Variants in SLC8A3 observed in about 807,000 individuals in gnomAD.
The protein encoded by SLC8A3 is sodium/calcium exchanger 3.
SLC8A3 carries 37 observed loss-of-function variants against 65.4 expected under a neutral mutation model. The ratio of observed to expected loss-of-function variants is 0.57; its 90% CI spans 0.44 to 0.74. SLC8A3 has a LOEUF of 0.74. SLC8A3 is among the 30% of genes least tolerant of loss of function. The pLI is 0.00. For synonymous variants in SLC8A3, 461 were observed against 444.5 expected (o/e 1.04, Z -0.47); for missense variants, 1,112 against 1,172.1 (o/e 0.95, Z 0.75).
At chr14:70,105,347 TAAAATAAAAC>T (rs1368362806) in intron 2 of SLC8A3, among the ~76,000 whole-genome samples, 3 of 151,690 alleles carry the variant, frequency 2.0e-5, no homozygotes, top group Non-Finnish European at 4.4e-5. Context: ...AAAAATAAAA[TAAAATAAAAC>T]AAAATAAAAT....
intron 2 of SLC8A3, among the ~76,000 whole-genome samples, chr14:70,103,943 T>A (rs1892693333): frequency 6.6e-6 from 1 of 152,038 alleles, no homozygotes; most frequent in South Asian, 2.1e-4. Context: ...TGGAAAAATA[T>A]AAACTATGCA....
In SLC8A3 at chr14:70,185,258, C is replaced by T. The variant is rs1419683455; in HGVS notation, c.-63+3121G>A. On this transcript the variant is annotated intron_variant, in intron 1 of 6. Coordinates refer to ENST00000356921, the MANE Select transcript of SLC8A3 (RefSeq NM_182932.3). ...CTGGGATTACAGGCGTGAGCCACCA[C>T]GCCCATCCTATTCCTTTCTTTTTAT... Among the ~76,000 whole-genome samples, 10 of 152,320 alleles carry T rather than the reference C, an allele frequency of 6.6e-5. No individual in the cohort carries two copies. The East Asian group carries it at 1.4e-3, about 21-fold the overall frequency.
rs921474559 is a variant in SLC8A3, at chr14:70,045,916, G to A, written c.*31C>T. The A allele has an allele frequency of 8.4e-6, 13 of 1,542,144 alleles. No homozygotes were observed. Among genetic ancestry groups the A allele is most frequent in the Middle Eastern group, 2.3e-4 (1 of 4,276 alleles). ...GCCCTTCTCTTAGGAGAAGTCCTAG[G>A]CCTGCCCTGCTGGAGGCTCTGTTGT... On this transcript the variant is annotated 3_prime_UTR_variant, in exon 7 of 7. Transcript: ENST00000356921.
At chr14:70,088,143 G>A (rs993357966) in intron 2 of SLC8A3, among the ~76,000 whole-genome samples, 2 of 152,224 alleles carry the variant, frequency 1.3e-5, no homozygotes, top group African/African-American at 4.8e-5. Flanking sequence ...CTGAGGCACT[G>A]AAACAAGAAA....
intron 2 of SLC8A3, among the ~76,000 whole-genome samples, chr14:70,067,783 A>G (rs566208062): frequency 3.7e-4 from 57 of 152,318 alleles, no homozygotes; most frequent in Non-Finnish European, 6.5e-4. Flanking sequence ...AGCTCTCTCC[A>G]ACAGCAACCC....
intron 2 of SLC8A3, among the ~76,000 whole-genome samples, chr14:70,073,642 T>C (rs924106142): frequency 2.6e-5 from 4 of 152,326 alleles, no homozygotes; most frequent in African/African-American, 9.6e-5. Flanking sequence ...GCTGGTTATC[T>C]GATTCATGGC....
At chr14:70,188,288 C>T (rs1308443867) in intron 1 of SLC8A3, 91 bp downstream of exon 1, 1 of 152,406 alleles carries the variant, frequency 6.6e-6, no homozygotes, top group Admixed American at 6.5e-5. Context: ...CAGGGATCCT[C>T]TTAGGGGCAT....
At chr14:70,126,052 T>C (rs762226900) in intron 2 of SLC8A3, among the ~76,000 whole-genome samples, 6 of 152,238 alleles carry the variant, frequency 3.9e-5, no homozygotes, top group Admixed American at 1.3e-4. Flanking sequence ...AATATTCTTT[T>C]GTTTTTCCTA....
At chr14:70,089,812 A>G (rs1891693578) in intron 2 of SLC8A3, among the ~76,000 whole-genome samples, 6 of 151,944 alleles carry the variant, frequency 3.9e-5, no homozygotes, top group Admixed American at 3.9e-4. Context: ...CCAAAAGATA[A>G]TTTCTTTGAT....
At chr14:70,072,421 T>C (rs958966158) in intron 2 of SLC8A3, among the ~76,000 whole-genome samples, 1 of 141,082 alleles carries the variant, frequency 7.1e-6, no homozygotes, top group Admixed American at 6.9e-5. Flanking sequence ...ATTATTCTTT[T>C]AAAGTAGATG....
Position 70,136,490 on chromosome 14 carries a change from C to T in SLC8A3, c.1784+30149G>A, listed in dbSNP as rs544090892. 3.3e-5 allele frequency among the ~76,000 whole-genome samples: 5 copies of T among 152,312 alleles called. No homozygotes were observed. In the South Asian group the frequency reaches 1.0e-3, roughly 32 times the overall value. On this transcript the variant is annotated intron_variant, in intron 2 of 6. Coordinates refer to ENST00000356921, the MANE Select transcript of SLC8A3 (RefSeq NM_182932.3). ...CCATCTTACTCCCTCTCCAGCTGCA[C>T]CCGCTTTTTGGCATGTTCTAGAACA...
rs139974573 is a variant in SLC8A3, at chr14:70,167,286, C to T, written c.1137G>A (p.Lys379=). ...LKKHAAEQAK[K]ASSMSEVHTD... is the part of the protein sequence containing the mutation. ...TGTGCACCTCGCTCATGCTGGAGGC[C>T]TTCTTGGCTTGTTCTGCTGCATGTT... is the stretch of plus-strand genomic sequence containing the variant. The change falls in exon 2 of 7, where the codon AAG becomes AAA. Residue 379 remains lysine (K), a synonymous_variant. Transcript: ENST00000356921. 1.9e-6 allele frequency: 3 copies of T among 1,614,174 alleles called. No homozygotes were observed. The highest frequency in any genetic ancestry group is 1.1e-5 in the South Asian group (1 of 91,072).
At chr14:70,072,228 C>A (rs546941464) in intron 2 of SLC8A3, among the ~76,000 whole-genome samples, 4 of 152,292 alleles carry the variant, frequency 2.6e-5, no homozygotes, top group African/African-American at 9.6e-5. Flanking sequence ...CCCACTTTCC[C>A]AGTGCCTGGA....
chr14:70,122,862 A>G (rs568639645), intron 2 of SLC8A3, among the ~76,000 whole-genome samples: 1 of 151,448 alleles, frequency 6.6e-6, no homozygotes, highest in South Asian at 2.1e-4. Context: ...GCTTGAGGCC[A>G]GGAGTTGAAG....
chr14:70,100,655 G>T (rs183473843), intron 2 of SLC8A3, among the ~76,000 whole-genome samples: 1 of 152,154 alleles, frequency 6.6e-6, no homozygotes, highest in African/African-American at 2.4e-5. Flanking sequence ...TTTATTAAGG[G>T]CATAAAAAGC....
intron 2 of SLC8A3, among the ~76,000 whole-genome samples, chr14:70,103,921 A>G (rs531620383): frequency 1.2e-4 from 18 of 152,246 alleles, no homozygotes; most frequent in African/African-American, 2.9e-4. Flanking sequence ...AAATAGTGTG[A>G]ATATAAGATA....
intron 2 of SLC8A3, among the ~76,000 whole-genome samples, chr14:70,141,454 T>G (rs1032280580): frequency 1.3e-5 from 2 of 152,228 alleles, no homozygotes; most frequent in African/African-American, 4.8e-5. Flanking sequence ...CTGAAGTGTA[T>G]GTAGCTAATA....
At chr14:70,185,574 G>T (rs943589928) in intron 1 of SLC8A3, among the ~76,000 whole-genome samples, 2 of 152,206 alleles carry the variant, frequency 1.3e-5, no homozygotes, top group South Asian at 4.1e-4. Flanking sequence ...TCCCTTCTCC[G>T]ACCAGGAAGC....
chr14:70,188,969 C>A (rs1368574035), upstream of SLC8A3: 1 of 152,178 alleles, frequency 6.6e-6, no homozygotes, highest in Non-Finnish European at 1.5e-5. Flanking sequence ...TCTGGGCGAG[C>A]GGAGAGCTTT....
Sources: allele counts gnomAD v4.1 joint callset (sites outside exome capture counted in the v4.1 genomes callset), GRCh38; gene constraint gnomAD v4.1.1; transcripts MANE v1.5; gene names NCBI Gene and HGNC (gene_info 2026-07-23, HGNC 2026-07-21).